Variants in LARS1 observed in about 807,000 individuals in gnomAD.
LARS1 encodes the protein leucyl-tRNA synthetase 1, also known as leucine--tRNA ligase, cytoplasmic.
Under a neutral mutation model 162.8 loss-of-function variants are expected in LARS1, and 100 were observed. The observed-to-expected ratio is 0.61, with a 90% CI of 0.52 to 0.73. The LOEUF (loss-of-function observed/expected upper bound fraction) is 0.73. Ranked by LOEUF, LARS1 falls within the 30% of genes least tolerant of loss-of-function variation. The pLI, the probability that LARS1 is intolerant of heterozygous loss-of-function variation, is 0.00. For synonymous variants in LARS1, 457 were observed against 462.8 expected (o/e 0.99, Z 0.16); for missense variants, 1,258 against 1,408.9 (o/e 0.89, Z 1.71).
In LARS1 at chr5:146,113,759, C is replaced by G. The variant is rs1359863063; in HGVS notation, c.*347G>C. 1 of 212,166 alleles carries G rather than the reference C, an allele frequency of 4.7e-6. No individual in the cohort carries two copies. Among genetic ancestry groups the G allele is most frequent in the Non-Finnish European group, 9.5e-6 (1 of 105,178 alleles). 13.1% of individuals were successfully genotyped at this position (212,166 alleles called of 1,614,324 possible). A position where few individuals can be genotyped will look rare whatever the true frequency, so the allele number is the denominator to read the frequency against. Reference sequence around the variant, plus strand: ...ATACTATAAAAAGCTGTTAGGTACACCTTAGCCTTCATCAAAGTATAAAGT... The same window carrying G: ...ATACTATAAAAAGCTGTTAGGTACAGCTTAGCCTTCATCAAAGTATAAAGT... On this transcript the variant is annotated 3_prime_UTR_variant, in exon 32 of 32. Coordinates refer to ENST00000394434, the MANE Select transcript of LARS1 (RefSeq NM_020117.11).
intron 6 of LARS1, 39 bp downstream of exon 6, chr5:146,164,270 AC>A (rs1413130573): frequency 1.9e-6 from 3 of 1,573,672 alleles, no homozygotes; most frequent in Admixed American, 3.6e-5. Context: ...AAAAGCACAT[AC>A]TTGTAAATGC....
At chr5:146,169,610 G>A (rs1047564453) in intron 4 of LARS1, among the ~76,000 whole-genome samples, 16 of 151,580 alleles carry the variant, frequency 1.1e-4, no homozygotes, top group Admixed American at 7.2e-4. Context: ...GTGCAATGGC[G>A]CAGTTTCGGC....
In LARS1 at chr5:146,153,122, T is replaced by C. The variant is rs1233116979; in HGVS notation, c.1284+52A>G. On this transcript the variant is annotated intron_variant, in intron 13 of 31. Transcript: ENST00000394434. ...TAAGGAAAACATGTTAGCTCTTCTT[T>C]TTCTCTGATAAAGAGATGGATGTGA... is the stretch of plus-strand genomic sequence containing the variant. 5.0e-6 allele frequency: 7 copies of C among 1,386,406 alleles called. No homozygotes were observed. The Admixed American group carries it at 1.1e-4, about 22-fold the overall frequency. The allele number at this position is 1,386,406 out of a possible 1,614,324, so 85.9% of individuals were successfully genotyped here.
At chr5:146,131,573 C>T (rs1752285445) in intron 23 of LARS1, 1 of 149,928 alleles carries the variant, frequency 6.7e-6, no homozygotes, top group South Asian at 2.1e-4. Context: ...CTCACTGCAG[C>T]CTCAAACTCC....
intron 2 of LARS1, among the ~76,000 whole-genome samples, chr5:146,177,073 A>T (rs1754613631): frequency 6.6e-6 from 1 of 152,312 alleles, no homozygotes; most frequent in Non-Finnish European, 1.5e-5. Context: ...GCAGAAAGTG[A>T]AAGTCACCTC....
chr5:146,121,234 C>G lies in LARS1; in HGVS notation c.3193-731G>C, dbSNP rs114666004. ...TATCCATAATCACGATTTCCTTATT[C>G]TTTCAAAATAGGCCTTTTCTGTTTG... On this transcript the variant is annotated intron_variant, in intron 30 of 31. Transcript: ENST00000394434. Among the ~76,000 whole-genome samples the G allele has an allele frequency of 2.1e-3, 326 of 152,182 alleles. 3 individuals carry two copies. The highest frequency in any genetic ancestry group is 7.6e-3 in the African/African-American group (316 of 41,538).
chr5:146,172,546 A>C, intron 3 of LARS1, 141 bp downstream of exon 3: 1 of 407,690 alleles, frequency 2.5e-6, no homozygotes, highest in Non-Finnish European at 4.4e-6. Context: ...AAAATAAATT[A>C]CTTAAATATA....
chr5:146,158,925 T>C (rs1243067656), intron 8 of LARS1, among the ~76,000 whole-genome samples: 2 of 151,850 alleles, frequency 1.3e-5, no homozygotes, highest in Non-Finnish European at 2.9e-5. Flanking sequence ...TGAAACCCCG[T>C]CTCTACTAAA....
Position 146,182,535 on chromosome 5 carries a change from T to C in LARS1, c.-42A>G, listed in dbSNP as rs905558519. On this transcript the variant is annotated 5_prime_UTR_variant, in exon 1 of 32. Transcript: ENST00000394434. ...CTGTGCAAATCCACGACAATGACCCTGGCGACCTCCACAAAGGAGTGGTTA... is the reference window on the plus strand; with the variant it reads ...CTGTGCAAATCCACGACAATGACCCCGGCGACCTCCACAAAGGAGTGGTTA... The C allele has an allele frequency of 1.9e-6, 3 of 1,613,868 alleles. No individual in the cohort carries two copies. Among genetic ancestry groups the C allele is most frequent in the Non-Finnish European group, 2.5e-6 (3 of 1,179,906 alleles).
In LARS1 at chr5:146,126,146, C is replaced by T. The variant is rs77305464; in HGVS notation, c.2991+289G>A. On this transcript the variant is annotated intron_variant, in intron 28 of 31. Transcript: ENST00000394434. ...CTAGGAAATGCAAGCCTCTATAAGC[C>T]TAATGTAAGCCAAAAGAGTTTGAAA... is the stretch of plus-strand genomic sequence containing the variant. Among the ~76,000 whole-genome samples the T allele has an allele frequency of 8.7e-3, 1,322 of 152,100 alleles. 25 individuals are homozygous for T. Among genetic ancestry groups the T allele is most frequent in the African/African-American group, 0.027 (1,129 of 41,506 alleles).
chr5:146,168,633 C>T (rs1754126682), intron 4 of LARS1, among the ~76,000 whole-genome samples: 1 of 151,674 alleles, frequency 6.6e-6, no homozygotes, highest in African/African-American at 2.4e-5. Context: ...TGCAGTGAGC[C>T]GAGATCACAT....
rs1458766455 is a variant in LARS1, at chr5:146,153,887, C to A, written c.1153+6G>T. The A allele has an allele frequency of 6.2e-7, 1 of 1,609,370 alleles. No individual in the cohort carries two copies. Among genetic ancestry groups the A allele is most frequent in the Admixed American group, 1.7e-5 (1 of 59,962 alleles). ...AAATATTTCTAGAAATAAATAAACT[C>A]TTTACCTTTATCCTCCTTAATAGTT... On this transcript the variant is annotated splice_donor_region_variant and intron_variant, in intron 11 of 31. Coordinates refer to ENST00000394434, the MANE Select transcript of LARS1 (RefSeq NM_020117.11).
chr5:146,138,956 C>A, intron 21 of LARS1: 1 of 371,264 alleles, frequency 2.7e-6, no homozygotes, highest in South Asian at 2.2e-5. Flanking sequence ...AATCTTCCTG[C>A]TAAGGCTATT....
chr5:146,126,914 G>A (rs932861630), intron 27 of LARS1, among the ~76,000 whole-genome samples: 5 of 152,012 alleles, frequency 3.3e-5, no homozygotes, highest in African/African-American at 1.2e-4. Context: ...TTTATATAAT[G>A]TCTGCTTTTG....
rs547088578 is a variant in LARS1, at chr5:146,166,566, G to A, written c.432+1562C>T. Among the ~76,000 whole-genome samples, 3 of 152,240 alleles carry A rather than the reference G, an allele frequency of 2.0e-5. 1 individual carries two copies. The highest frequency in any genetic ancestry group is 7.2e-5 in the African/African-American group (3 of 41,562). On this transcript the variant is annotated intron_variant, in intron 5 of 31. Coordinates refer to ENST00000394434, the MANE Select transcript of LARS1 (RefSeq NM_020117.11). ...AAAAACAAAAAGCTCAATGGTATTG[G>A]CTTATAACCTGAAGAATAAAGTGAA...
intron 31 of LARS1, among the ~76,000 whole-genome samples, chr5:146,117,935 T>TA (rs1167363321): frequency 6.6e-6 from 1 of 152,202 alleles, no homozygotes; most frequent in Non-Finnish European, 1.5e-5. Context: ...ATAGCCACTA[T>TA]AAAAAACAGT....
chr5:146,130,987 T>C lies in LARS1; in HGVS notation c.2487+32A>G, dbSNP rs754974784. On this transcript the variant is annotated intron_variant, in intron 24 of 31. Coordinates refer to ENST00000394434, the MANE Select transcript of LARS1 (RefSeq NM_020117.11). ...AATACATAATGTTCACATTGACATG[T>C]TTTATAGCTACCAAAAGAATCAACA... The C allele has an allele frequency of 1.2e-5, 15 of 1,273,280 alleles. No homozygotes were observed. The South Asian group carries it at 1.9e-4, about 16-fold the overall frequency. The allele number at this position is 1,273,280 out of a possible 1,614,324, so 78.9% of individuals were successfully genotyped here.
intron 8 of LARS1, among the ~76,000 whole-genome samples, chr5:146,158,942 A>C (rs1358609258): frequency 6.6e-6 from 1 of 151,990 alleles, no homozygotes; most frequent in African/African-American, 2.4e-5. Context: ...TAAAAATACA[A>C]AAAATTAGCT....
chr5:146,157,877 C>A, intron 8 of LARS1, 82 bp from the exon 9 acceptor site: 2 of 1,358,738 alleles, frequency 1.5e-6, no homozygotes, highest in Admixed American at 3.7e-5. Context: ...AGATCTGATT[C>A]AAGTCCCTAA....
Sources: allele counts gnomAD v4.1 joint callset (sites outside exome capture counted in the v4.1 genomes callset), GRCh38; gene constraint gnomAD v4.1.1; transcripts MANE v1.5; gene names NCBI Gene and HGNC (gene_info 2026-07-23, HGNC 2026-07-21).